Variants in MAP2K4 observed in about 807,000 individuals in gnomAD.
MAP2K4 encodes dual specificity mitogen-activated protein kinase kinase 4.
MAP2K4 carries 4 observed loss-of-function variants against 48.5 expected under a neutral mutation model. The observed-to-expected ratio is 0.08, with a 90% CI of 0.04 to 0.19. MAP2K4 has a LOEUF of 0.19. MAP2K4 is among the 10% of genes least tolerant of loss of function. The pLI, the probability that MAP2K4 is intolerant of heterozygous loss-of-function variation, is 1.00. For synonymous variants in MAP2K4, 166 were observed against 173.1 expected (o/e 0.96, Z 0.32); for missense variants, 258 against 493.3 (o/e 0.52, Z 4.52).
At chr17:12,109,345 T>C (rs1323930540) in intron 5 of MAP2K4, among the ~76,000 whole-genome samples, 1 of 152,164 alleles carries the variant, frequency 6.6e-6, no homozygotes, top group Non-Finnish European at 1.5e-5. Context: ...GTGATCACTT[T>C]ATATATATTA....
chr17:12,074,027 CT>C (rs1210286359), intron 2 of MAP2K4, among the ~76,000 whole-genome samples: 1 of 152,150 alleles, frequency 6.6e-6, no homozygotes, highest in Admixed American at 6.5e-5. Context: ...CCACCTCGGC[CT>C]CCCAAAGTGC....
intron 2 of MAP2K4, among the ~76,000 whole-genome samples, chr17:12,077,501 T>C (rs1363488029): frequency 6.6e-6 from 1 of 152,162 alleles, no homozygotes; most frequent in Non-Finnish European, 1.5e-5. Flanking sequence ...CAGGCTAGGG[T>C]TGGTGTAGTA....
chr17:12,096,063 C>A (rs997499909), intron 4 of MAP2K4, among the ~76,000 whole-genome samples: 74 of 20,932 alleles, frequency 3.5e-3, no homozygotes, highest in African/African-American at 0.016. Flanking sequence ...CCTTGAGCAA[C>A]GCCTCCCCCC....
intron 4 of MAP2K4, among the ~76,000 whole-genome samples, chr17:12,102,692 G>C (rs1393231205): frequency 6.6e-6 from 1 of 152,014 alleles, no homozygotes; most frequent in Non-Finnish European, 1.5e-5. Flanking sequence ...TGAATATCCA[G>C]CTTCTTTCAA....
chr17:12,052,257 AC>A (rs1486998143), intron 1 of MAP2K4, among the ~76,000 whole-genome samples: 1 of 152,152 alleles, frequency 6.6e-6, no homozygotes, highest in African/African-American at 2.4e-5. Flanking sequence ...ATAAATTTGG[AC>A]TTTTTCAAGA....
intron 4 of MAP2K4, among the ~76,000 whole-genome samples, chr17:12,104,280 T>G (rs984362022): frequency 3.3e-5 from 5 of 152,080 alleles, no homozygotes; most frequent in African/African-American, 1.2e-4. Flanking sequence ...TTTCCTGGAG[T>G]CACAAACCAG....
At chr17:12,048,872 G>T (rs1970045922) in intron 1 of MAP2K4, among the ~76,000 whole-genome samples, 1 of 151,880 alleles carries the variant, frequency 6.6e-6, no homozygotes, top group Non-Finnish European at 1.5e-5. Flanking sequence ...GGCCTGGCTG[G>T]TCTTGAACTC....
intron 1 of MAP2K4, 121 bp downstream of exon 1, chr17:12,021,122 C>T (rs1208890035): frequency 6.1e-6 from 3 of 492,870 alleles, no homozygotes; most frequent in Non-Finnish European, 9.2e-6. Flanking sequence ...GCCGGCTTCT[C>T]CCTCTCTCCC....
At chr17:12,078,644 G>C (rs2159141) in intron 2 of MAP2K4, among the ~76,000 whole-genome samples, 135,312 of 152,186 alleles carry the variant, frequency 0.89, 62,311 homozygotes, top group East Asian at 1. Context: ...AAATATTTAT[G>C]AACAAGTAAG....
At chr17:12,096,243 T>C (rs1306540017) in intron 4 of MAP2K4, among the ~76,000 whole-genome samples, 1 of 152,212 alleles carries the variant, frequency 6.6e-6, no homozygotes, top group Non-Finnish European at 1.5e-5. Flanking sequence ...TTTCTAATTC[T>C]CTTATCCAGA....
chr17:12,100,440 C>G (rs1971901788), intron 4 of MAP2K4, among the ~76,000 whole-genome samples: 1 of 152,030 alleles, frequency 6.6e-6, no homozygotes, highest in African/African-American at 2.4e-5. Context: ...TTATGCAGAT[C>G]TATCAGTTTG....
In MAP2K4 at chr17:12,081,524, A is replaced by C; in HGVS notation, c.387A>C (p.Ala129=). 6.2e-7 allele frequency: 1 copy of C among 1,613,860 alleles called. No individual in the cohort carries two copies. The highest frequency in any genetic ancestry group is 1.1e-5 in the South Asian group (1 of 90,994). ...MVHKPSGQIM[A]VKRIRSTVDE... is the part of the protein sequence containing the mutation. ...ACAAACCAAGTGGGCAAATAATGGCAGTTAAAGTAGGTGATGCCATGATTA... is the reference window on the plus strand; with the variant it reads ...ACAAACCAAGTGGGCAAATAATGGCCGTTAAAGTAGGTGATGCCATGATTA... The change falls in exon 3 of 11, where the codon GCA becomes GCC. Residue 129 remains alanine, a synonymous_variant. Transcript: ENST00000353533. The surrounding 1 kb of genome is among the most constrained non-coding windows in gnomAD (Gnocchi z 4.2).
rs541681404 is a variant in MAP2K4 at position 12,110,329 on chromosome 17, T to G, written c.634-46T>G. Reference sequence around the variant, plus strand: ...GTGATAAACTGTTGTGCTGTTTGAATAAAAAGAAACAAGTTGTTTATCCCA... The same window carrying G: ...GTGATAAACTGTTGTGCTGTTTGAAGAAAAAGAAACAAGTTGTTTATCCCA... On this transcript the variant is annotated intron_variant, in intron 5 of 10. Transcript: ENST00000353533. The G allele has an allele frequency of 2.1e-5, 28 of 1,359,984 alleles. No individual in the cohort carries two copies. In the South Asian group the frequency reaches 2.8e-4, roughly 14 times the overall value. 84.2% of individuals were successfully genotyped at this position (1,359,984 alleles called of 1,614,324 possible). A position where few individuals can be genotyped will look rare whatever the true frequency, so the allele number is the denominator to read the frequency against.
rs537558933 is a variant in MAP2K4, at chr17:12,080,197, C to T, written c.219-1159C>T. 1.2e-4 allele frequency among the ~76,000 whole-genome samples: 18 copies of T among 152,252 alleles called. No homozygotes were observed. In the South Asian group the frequency reaches 3.3e-3, roughly 28 times the overall value. ...AAGGTTGCTACAGAAAACCATTCTA[C>T]TAATTGGAGAAAACTTTCCTAAATT... On this transcript the variant is annotated intron_variant, in intron 2 of 10. Coordinates refer to ENST00000353533, the MANE Select transcript of MAP2K4 (RefSeq NM_003010.4).
chr17:12,142,672 G>T lies in MAP2K4; in HGVS notation c.*1412G>T. On this transcript the variant is annotated 3_prime_UTR_variant, in exon 11 of 11. Transcript: ENST00000353533. ...AGTCCATCACCATTTCTTGGCATTG[G>T]AATTCTACTGGAAAAAAATACAAAA... 1 of 233,076 alleles carries T rather than the reference G, an allele frequency of 4.3e-6. No individual in the cohort carries two copies. The highest frequency in any genetic ancestry group is 8.5e-6 in the Non-Finnish European group (1 of 117,924). 14.4% of individuals were successfully genotyped at this position (233,076 alleles called of 1,614,324 possible).
intron 2 of MAP2K4, among the ~76,000 whole-genome samples, chr17:12,064,185 A>C (rs181344922): frequency 2.6e-5 from 4 of 152,282 alleles, no homozygotes; most frequent in Admixed American, 1.3e-4. Flanking sequence ...CCAAAGCTGG[A>C]GTGCATCATA....
At chr17:12,069,857 T>C (rs1450830238) in intron 2 of MAP2K4, 2 of 371,352 alleles carry the variant, frequency 5.4e-6, no homozygotes, top group Non-Finnish European at 1.0e-5. Flanking sequence ...AGGGTATGTC[T>C]TACCTTTATT....
intron 4 of MAP2K4, among the ~76,000 whole-genome samples, chr17:12,100,624 TAAA>T (rs1177729632): frequency 6.6e-6 from 1 of 152,202 alleles, no homozygotes; most frequent in Non-Finnish European, 1.5e-5. Context: ...TTTAACTTTT[TAAA>T]AAATGGACAA....
chr17:12,070,423 T>A (rs1970765666), intron 2 of MAP2K4, among the ~76,000 whole-genome samples: 1 of 152,168 alleles, frequency 6.6e-6, no homozygotes, highest in Non-Finnish European at 1.5e-5. Flanking sequence ...CTGCCCCTAA[T>A]TCCACTCTCT....
Sources: allele counts gnomAD v4.1 joint callset (sites outside exome capture counted in the v4.1 genomes callset), GRCh38; gene constraint gnomAD v4.1.1; non-coding constraint Gnocchi (gnomAD v3.1); transcripts MANE v1.5; gene names NCBI Gene and HGNC (gene_info 2026-07-23, HGNC 2026-07-21).